Variants in SRGAP3 observed in about 807,000 individuals in gnomAD.
SRGAP3 encodes SLIT-ROBO Rho GTPase-activating protein 3.
A neutral mutation model predicts 121.1 loss-of-function variants in SRGAP3; 39 were observed. The ratio of observed to expected loss-of-function variants is 0.32; its 90% CI spans 0.25 to 0.42. The LOEUF is 0.42. Among genes scored for constraint, SRGAP3 ranks in the 10% least tolerant of loss-of-function variants. The pLI is 1.00. For missense variants in SRGAP3, 1,213 were observed against 1,470.6 expected, an observed-to-expected ratio of 0.82 and a Z score of 2.86; for synonymous variants, 601 against 570.0, an observed-to-expected ratio of 1.05 and a Z score of -0.77.
intron 3 of SRGAP3, among the ~76,000 whole-genome samples, chr3:9,322,704 C>T (rs1333554167): frequency 6.6e-6 from 1 of 151,732 alleles, no homozygotes; most frequent in African/African-American, 2.4e-5. Flanking sequence ...CCCCCATCAC[C>T]CCCCACCGTC....
Position 8,984,981 on chromosome 3 carries a change from T to A in SRGAP3, c.*538A>T, listed in dbSNP as rs574559437. On this transcript the variant is annotated 3_prime_UTR_variant, in exon 22 of 22. Transcript: ENST00000383836. ...TCCCACCAAATAACTCGGTGGGAGA[T>A]GTTTGGTGGCATGGATCTGAGGTAA... 1.3e-5 allele frequency: 3 copies of A among 228,094 alleles called. No homozygotes were observed. In the East Asian group the frequency reaches 1.9e-4, roughly 14 times the overall value. 14.1% of individuals were successfully genotyped at this position (228,094 alleles called of 1,614,324 possible). A position where few individuals can be genotyped will look rare whatever the true frequency, so the allele number is the denominator to read the frequency against.
At chr3:9,194,820 C>T (rs1225853508) in intron 1 of SRGAP3, among the ~76,000 whole-genome samples, 1 of 152,228 alleles carries the variant, frequency 6.6e-6, no homozygotes, top group African/African-American at 2.4e-5. Flanking sequence ...CCATAGAGAA[C>T]ACTGTGCCCT....
At chr3:9,346,828 TCA>T (rs1955900027) in intron 1 of SRGAP3, among the ~76,000 whole-genome samples, 1 of 150,822 alleles carries the variant, frequency 6.6e-6, no homozygotes, top group East Asian at 2.0e-4. Context: ...CGATCCTGGC[TCA>T]CTGCAACCTC....
intron 3 of SRGAP3, among the ~76,000 whole-genome samples, chr3:9,294,744 G>GTGTGTGTGTGTGTGTGTGT (rs1379747432): frequency 6.7e-6 from 1 of 150,152 alleles, no homozygotes; most frequent in Non-Finnish European, 1.5e-5. Context: ...GTGTGTGTTT[G>GTGTGTGTGTGTGTGTGTGT]GGAGGGCATC....
chr3:9,064,301 G>T, intron 5 of SRGAP3, 95 bp downstream of exon 5: 1 of 1,539,448 alleles, frequency 6.5e-7, no homozygotes. Flanking sequence ...GGGATGCAGG[G>T]GAATAAGGGG....
intron 2 of SRGAP3, among the ~76,000 whole-genome samples, chr3:9,328,430 C>G (rs1283766326): frequency 6.6e-6 from 1 of 152,156 alleles, no homozygotes; most frequent in East Asian, 1.9e-4. Flanking sequence ...CCTGTTTTTC[C>G]CAAGGAGTCC....
At chr3:9,049,424 A>T (rs756308061) in intron 9 of SRGAP3, 1 of 456,090 alleles carries the variant, frequency 2.2e-6, no homozygotes, top group African/African-American at 2.0e-5. Context: ...TTTAAGCCTC[A>T]TCAGAGTCTT....
At chr3:9,135,970 G>T (rs560179833) in intron 1 of SRGAP3, among the ~76,000 whole-genome samples, 1 of 152,354 alleles carries the variant, frequency 6.6e-6, no homozygotes, top group South Asian at 2.1e-4. Context: ...CTGCAGGGAC[G>T]CAAGAAATGA....
intron 12 of SRGAP3, among the ~76,000 whole-genome samples, chr3:9,031,331 G>T (rs550537937): frequency 1.7e-4 from 26 of 152,258 alleles, no homozygotes; most frequent in African/African-American, 5.3e-4. Context: ...GGAGACAGAG[G>T]ATTCCTTTGG....
chr3:9,287,534 T>C (rs1029066753), intron 3 of SRGAP3, among the ~76,000 whole-genome samples: 1 of 152,150 alleles, frequency 6.6e-6, no homozygotes, highest in African/African-American at 2.4e-5. Context: ...TGTTCTCACT[T>C]AGAAGTGGGA....
At chr3:9,029,288 G>C (rs1432429164) in intron 12 of SRGAP3, among the ~76,000 whole-genome samples, 1 of 152,186 alleles carries the variant, frequency 6.6e-6, no homozygotes, top group African/African-American at 2.4e-5. Flanking sequence ...GTAGGTAATT[G>C]TCATGCTTAT....
intron 1 of SRGAP3, among the ~76,000 whole-genome samples, chr3:9,154,243 C>G (rs1950321542): frequency 6.6e-6 from 1 of 152,134 alleles, no homozygotes; most frequent in Non-Finnish European, 1.5e-5. Context: ...TCCTCCTTGC[C>G]TTTTTCATTG....
intron 18 of SRGAP3, among the ~76,000 whole-genome samples, chr3:9,000,758 C>G (rs1942709551): frequency 6.6e-6 from 1 of 152,164 alleles, no homozygotes. Context: ...ATAATGGGGA[C>G]AGAATTTGAC....
At chr3:9,096,988 C>CAT (rs1378649403) in intron 3 of SRGAP3, among the ~76,000 whole-genome samples, 98 of 95,748 alleles carry the variant, frequency 1.0e-3, no homozygotes, top group African/African-American at 3.2e-3. Context: ...TATACACATA[C>CAT]ACACACATAT....
intron 1 of SRGAP3, among the ~76,000 whole-genome samples, chr3:9,241,495 G>A (rs1015544956): frequency 1.3e-5 from 2 of 152,156 alleles, no homozygotes; most frequent in African/African-American, 2.4e-5. Flanking sequence ...CAACATAACA[G>A]CCTTCACCAA....
chr3:9,187,811 G>A (rs10490819), intron 1 of SRGAP3, among the ~76,000 whole-genome samples: 13,109 of 152,198 alleles, frequency 0.086, 872 homozygotes, highest in East Asian at 0.36. Flanking sequence ...ATGCAAGGCC[G>A]TGTACGACGT....
chr3:9,051,354 G>T (rs1032098195), intron 9 of SRGAP3, among the ~76,000 whole-genome samples: 4 of 152,140 alleles, frequency 2.6e-5, no homozygotes, highest in Non-Finnish European at 5.9e-5. Context: ...CTTGGCCTTG[G>T]TATACCCATT....
At chr3:9,133,308 C>G (rs1313812091) in intron 1 of SRGAP3, among the ~76,000 whole-genome samples, 1 of 152,014 alleles carries the variant, frequency 6.6e-6, no homozygotes, top group African/African-American at 2.4e-5. Context: ...ACAGCGATAC[C>G]CTGTCTCTAC....
intron 18 of SRGAP3, chr3:9,007,740 A>T (rs769011714): frequency 6.6e-6 from 1 of 152,018 alleles, no homozygotes; most frequent in Non-Finnish European, 1.5e-5. Flanking sequence ...CATTTTATAG[A>T]TAAGGAAATA....
Sources: allele counts gnomAD v4.1 joint callset (sites outside exome capture counted in the v4.1 genomes callset), GRCh38; gene constraint gnomAD v4.1.1; transcripts MANE v1.5; gene names NCBI Gene and HGNC (gene_info 2026-07-23, HGNC 2026-07-21).